GPC6: variants seen among roughly 807,000 people sequenced by gnomAD.
GPC6 encodes the protein glypican-6.
A neutral mutation model predicts 55.2 loss-of-function variants in GPC6; 14 were observed. That is an observed-to-expected ratio of 0.25 (90% CI 0.17 to 0.40). The LOEUF (loss-of-function observed/expected upper bound fraction) is 0.40. Among genes scored for constraint, GPC6 ranks in the 10% least tolerant of loss-of-function variants. The pLI is 1.00. For missense variants in GPC6, 641 were observed against 708.5 expected (o/e 0.90, Z 1.08); for synonymous variants, 278 against 259.6 (o/e 1.07, Z -0.68).
At chr13:93,997,783 T>C (rs1166100585) in intron 3 of GPC6, among the ~76,000 whole-genome samples, 2 of 152,188 alleles carry the variant, frequency 1.3e-5, no homozygotes, top group Non-Finnish European at 2.9e-5. Flanking sequence ...AAATGTTCCA[T>C]AAATGTTGCT....
At chr13:94,344,280 T>C (rs1251747767) in intron 6 of GPC6, among the ~76,000 whole-genome samples, 2 of 152,204 alleles carry the variant, frequency 1.3e-5, no homozygotes, top group African/African-American at 2.4e-5. Flanking sequence ...TGTGTGAACC[T>C]TTAGAAATGT....
At chr13:93,591,011 A>T (rs1877443119) in intron 2 of GPC6, among the ~76,000 whole-genome samples, 1 of 152,262 alleles carries the variant, frequency 6.6e-6, no homozygotes, top group African/African-American at 2.4e-5. Context: ...GATTTGGGAC[A>T]TAAAAATAAA....
At chr13:94,085,656 A>G (rs1885257052) in intron 4 of GPC6, among the ~76,000 whole-genome samples, 1 of 152,144 alleles carries the variant, frequency 6.6e-6, no homozygotes, top group Admixed American at 6.5e-5. Context: ...CAAGCCTGTG[A>G]AAAAGGCAGG....
At chr13:93,624,379 G>A (rs778340841) in intron 2 of GPC6, among the ~76,000 whole-genome samples, 1 of 152,176 alleles carries the variant, frequency 6.6e-6, no homozygotes, top group Non-Finnish European at 1.5e-5. Context: ...TGAAGGGGCT[G>A]CAGTGCTATT....
At chr13:93,226,377 C>T (rs928155512), upstream of GPC6, among the ~76,000 whole-genome samples, 2 of 152,078 alleles carry the variant, frequency 1.3e-5, no homozygotes, top group East Asian at 3.9e-4. Flanking sequence ...AAATTAAGAA[C>T]TACCAGTCTG....
At chr13:93,570,939 A>G (rs1452603018) in intron 2 of GPC6, among the ~76,000 whole-genome samples, 1 of 152,082 alleles carries the variant, frequency 6.6e-6, no homozygotes, top group Non-Finnish European at 1.5e-5. Flanking sequence ...TCGTAATTCA[A>G]TTATTGGTTT....
chr13:94,316,424 A>G (rs2139124183), intron 6 of GPC6, among the ~76,000 whole-genome samples: 1 of 152,352 alleles, frequency 6.6e-6, no homozygotes, highest in African/African-American at 2.4e-5. Context: ...GTGGCAATAA[A>G]GAAACAGAAT....
chr13:93,378,684 C>T (rs117008766), intron 1 of GPC6, among the ~76,000 whole-genome samples: 4,405 of 152,206 alleles, frequency 0.029, 93 homozygotes, highest in African/African-American at 0.056. Flanking sequence ...CTTCACCTAT[C>T]CTTATTGTTT....
intron 3 of GPC6, among the ~76,000 whole-genome samples, chr13:93,834,210 A>T (rs548266185): frequency 6.6e-6 from 1 of 152,184 alleles, no homozygotes; most frequent in African/African-American, 2.4e-5. Flanking sequence ...TTTTACAATG[A>T]CATAGAAAGT....
At chr13:93,639,273 G>T (rs916000471) in intron 2 of GPC6, among the ~76,000 whole-genome samples, 4 of 152,100 alleles carry the variant, frequency 2.6e-5, no homozygotes, top group Non-Finnish European at 4.4e-5. Context: ...TAAGTACAAA[G>T]ACCCTGAGGA....
intron 3 of GPC6, among the ~76,000 whole-genome samples, chr13:93,950,757 G>C (rs1879217820): frequency 6.6e-6 from 1 of 151,516 alleles, no homozygotes; most frequent in Non-Finnish European, 1.5e-5. Context: ...TGACAGAGTT[G>C]GTTGTGCATT....
intron 3 of GPC6, among the ~76,000 whole-genome samples, chr13:93,917,756 T>C (rs1334566134): frequency 4.6e-5 from 7 of 152,200 alleles, no homozygotes; most frequent in Non-Finnish European, 8.8e-5. Flanking sequence ...CCCTGGGACA[T>C]GTCACATCAT....
intron 1 of GPC6, among the ~76,000 whole-genome samples, chr13:93,440,524 C>T (rs372247599): frequency 9.2e-5 from 14 of 152,208 alleles, no homozygotes. Context: ...AGTACCCAGG[C>T]ACCTGCTAGG....
At chr13:93,348,285 A>G (rs1324741143) in intron 1 of GPC6, among the ~76,000 whole-genome samples, 1 of 152,232 alleles carries the variant, frequency 6.6e-6, no homozygotes, top group Admixed American at 6.5e-5. Flanking sequence ...TTAGTAACAC[A>G]TCCTTATAAA....
At chr13:93,920,923 C>A (rs1417235385) in intron 3 of GPC6, among the ~76,000 whole-genome samples, 1 of 152,162 alleles carries the variant, frequency 6.6e-6, no homozygotes, top group Non-Finnish European at 1.5e-5. Context: ...TGTTCTATAG[C>A]CAACTATAGT....
chr13:93,426,342 C>T (rs1275071886), intron 1 of GPC6, among the ~76,000 whole-genome samples: 21 of 151,504 alleles, frequency 1.4e-4, no homozygotes, highest in Admixed American at 1.3e-3. Context: ...CCCATTAACT[C>T]GTCATCTAGC....
rs144232284 is a variant in GPC6 at position 93,865,463 on chromosome 13, G to A, written c.711+34918G>A. ...CTGCTCTGCAGACAGACAGCACTTC[G>A]TTTAAGTGGCTTTCCAGATATCTCA... On this transcript the variant is annotated intron_variant, in intron 3 of 8. Transcript: ENST00000377047. 2.2e-3 allele frequency among the ~76,000 whole-genome samples: 337 copies of A among 151,768 alleles called. 1 individual carries two copies. The highest frequency in any genetic ancestry group is 3.4e-3 in the Middle Eastern group (1 of 294).
chr13:93,892,618 C>T (rs1875757043), intron 3 of GPC6, among the ~76,000 whole-genome samples: 1 of 152,142 alleles, frequency 6.6e-6, no homozygotes, highest in Non-Finnish European at 1.5e-5. Flanking sequence ...CATAACATAA[C>T]ATACTCTTTT....
At chr13:93,527,370 C>A (rs893660771) in intron 1 of GPC6, among the ~76,000 whole-genome samples, 7 of 152,068 alleles carry the variant, frequency 4.6e-5, no homozygotes, top group African/African-American at 1.2e-4. Flanking sequence ...CCTTAAAACT[C>A]AGTTTAGCGT....
Sources: allele counts gnomAD v4.1 joint callset (sites outside exome capture counted in the v4.1 genomes callset), GRCh38; gene constraint gnomAD v4.1.1; transcripts MANE v1.5; gene names NCBI Gene and HGNC (gene_info 2026-07-23, HGNC 2026-07-21).